The following USP48 variants were observed in gnomAD, a reference collection of about 807,000 sequenced individuals.
The protein encoded by USP48 is ubiquitin carboxyl-terminal hydrolase 48.
Under a neutral mutation model 150.7 loss-of-function variants are expected in USP48, and 43 were observed. That is an observed-to-expected ratio of 0.29 (90% CI 0.22 to 0.37). The LOEUF is 0.37. USP48 is among the 10% of genes least tolerant of loss of function. USP48 has a pLI of 1.00. For missense variants in USP48, 813 were observed against 1,249.6 expected (o/e 0.65, Z 5.27); for synonymous variants, 396 against 425.9 (o/e 0.93, Z 0.86).
At chr1:21,774,275 C>T (rs190196634) in intron 1 of USP48, among the ~76,000 whole-genome samples, 1 of 151,714 alleles carries the variant, frequency 6.6e-6, no homozygotes, top group East Asian at 1.9e-4. Context: ...GCTTCTCTTG[C>T]CACACACAAA....
chr1:21,681,508 C>G (rs909240278), intron 25 of USP48, among the ~76,000 whole-genome samples: 1 of 152,084 alleles, frequency 6.6e-6, no homozygotes, highest in Non-Finnish European at 1.5e-5. Context: ...GTGATCCGCC[C>G]GCCACAGCCT....
In USP48 at chr1:21,757,701, G is replaced by A; in HGVS notation, c.217C>T (p.His73Tyr). 6.2e-7 allele frequency: 1 copy of A among 1,612,762 alleles called. No individual in the cohort carries two copies. The highest frequency in any genetic ancestry group is 2.2e-5 in the East Asian group (1 of 44,814). The change falls in exon 2 of 27, where the codon CAT (histidine) becomes TAT (tyrosine). Residue 73 changes from histidine (H) to tyrosine (Y), a missense_variant. Physicochemically the swap from His to Tyr is moderately conservative, Grantham distance 83. Coordinates refer to ENST00000308271, the MANE Select transcript of USP48 (RefSeq NM_032236.8). ...TCACAGTTGGGATCATCGATGTTATGAAAACTATTTTCATCTATTTCTCCT... is the reference window on the plus strand; with the variant it reads ...TCACAGTTGGGATCATCGATGTTATAAAAACTATTTTCATCTATTTCTCCT... ...WLGEIDENSF[H>Y]NIDDPNCERR...
In USP48 at chr1:21,757,015, A is replaced by G. The variant is rs966695111; in HGVS notation, c.256-313T>C. On this transcript the variant is annotated intron_variant, in intron 2 of 26. Coordinates refer to ENST00000308271, the MANE Select transcript of USP48 (RefSeq NM_032236.8). ...AAAGATCGGTTTTGAACAAGCGTAT[A>G]TAGGTTTTATGTTTTCTGTATTTCT... is the stretch of plus-strand genomic sequence containing the variant. 5.1e-6 allele frequency: 5 copies of G among 984,346 alleles called. No homozygotes were observed. The African/African-American group carries it at 8.7e-5, about 17-fold the overall frequency. The allele number at this position is 984,346 out of a possible 1,614,324, so 61.0% of individuals were successfully genotyped here. A position where few individuals can be genotyped will look rare whatever the true frequency, so the allele number is the denominator to read the frequency against.
At chr1:21,774,582 G>A (rs1307961006) in intron 1 of USP48, among the ~76,000 whole-genome samples, 3 of 152,022 alleles carry the variant, frequency 2.0e-5, no homozygotes, top group Non-Finnish European at 4.4e-5. Context: ...AGCTACTCAG[G>A]AGGCTGAGGC....
chr1:21,706,092 A>T, intron 18 of USP48, 34 bp downstream of exon 18: 2 of 1,601,336 alleles, frequency 1.2e-6, no homozygotes, highest in Non-Finnish European at 1.7e-6. Context: ...CAAATCAGTA[A>T]CAATAAAGGA....
chr1:21,751,746 A>G, intron 5 of USP48, 131 bp from the exon 6 acceptor site: 1 of 704,294 alleles, frequency 1.4e-6, no homozygotes, highest in African/African-American at 1.8e-5. Context: ...GAAATTATGT[A>G]TACTAAAAAT....
At chr1:21,708,274 G>A (rs1433943560) in intron 15 of USP48, among the ~76,000 whole-genome samples, 1 of 152,108 alleles carries the variant, frequency 6.6e-6, no homozygotes, top group Non-Finnish European at 1.5e-5. Context: ...GCTGAGGGGA[G>A]CAGATCACGA....
chr1:21,762,567 G>A (rs1256655134), intron 1 of USP48, among the ~76,000 whole-genome samples: 2 of 152,046 alleles, frequency 1.3e-5, no homozygotes, highest in Non-Finnish European at 2.9e-5. Context: ...ACAAGTGGGT[G>A]GTAAAAATTT....
At chr1:21,715,158 G>A (rs1233077724) in intron 15 of USP48, 4 of 455,280 alleles carry the variant, frequency 8.8e-6, no homozygotes, top group Non-Finnish European at 1.6e-5. Context: ...CTTGGACAAT[G>A]ACAGTCATGG....
chr1:21,721,225 T>A, intron 13 of USP48, 59 bp from the exon 14 acceptor site: 1 of 1,586,764 alleles, frequency 6.3e-7, no homozygotes, highest in East Asian at 2.3e-5. Context: ...CTGTCCTCCC[T>A]TCTTTGCCTG....
chr1:21,725,068 C>G (rs1315909273), intron 11 of USP48: 1 of 152,170 alleles, frequency 6.6e-6, no homozygotes, highest in Non-Finnish European at 1.5e-5. Flanking sequence ...CAGAGAGTTA[C>G]ATGTCTAGAA....
At chr1:21,688,743 C>T (rs192046252) in intron 24 of USP48, among the ~76,000 whole-genome samples, 378 of 149,458 alleles carry the variant, frequency 2.5e-3, no homozygotes, top group Admixed American at 4.6e-3. Flanking sequence ...CTCGGGAGGC[C>T]GCGGCAGGAG....
At chr1:21,687,536 G>A (rs1178487580) in intron 24 of USP48, among the ~76,000 whole-genome samples, 1 of 152,164 alleles carries the variant, frequency 6.6e-6, no homozygotes, top group African/African-American at 2.4e-5. Context: ...TAGACACCCT[G>A]GGGTTACTAA....
intron 22 of USP48, among the ~76,000 whole-genome samples, chr1:21,697,284 G>C (rs958975428): frequency 6.6e-6 from 1 of 150,720 alleles, no homozygotes; most frequent in East Asian, 1.9e-4. Context: ...TAAGATTCAC[G>C]AGAAAAAGTT....
intron 6 of USP48, 89 bp downstream of exon 6, chr1:21,751,418 T>C (rs1031465898): frequency 2.0e-6 from 2 of 976,180 alleles, no homozygotes; most frequent in African/African-American, 3.2e-5. Context: ...CAATAAAAGC[T>C]CTAGCCACTA....
At chr1:21,689,422 G>A (rs868025474) in intron 24 of USP48, among the ~76,000 whole-genome samples, 13 of 130,168 alleles carry the variant, frequency 1.0e-4, no homozygotes, top group Admixed American at 1.5e-4. Context: ...TGGAATGACA[G>A]TCAATCCTCA....
chr1:21,766,196 T>C (rs2097861921), intron 1 of USP48, among the ~76,000 whole-genome samples: 1 of 151,968 alleles, frequency 6.6e-6, no homozygotes. Context: ...GGCAAAACCC[T>C]ACTAAACTTC....
chr1:21,778,554 C>T (rs908673423), intron 1 of USP48, among the ~76,000 whole-genome samples: 5 of 147,184 alleles, frequency 3.4e-5, no homozygotes, highest in African/African-American at 1.3e-4. Flanking sequence ...ATTGATTGAG[C>T]CCAGGAGTTC....
chr1:21,726,528 C>T (rs542464037), intron 11 of USP48: 37 of 152,306 alleles, frequency 2.4e-4, no homozygotes, highest in African/African-American at 8.7e-4. Context: ...CTTTAGTGCG[C>T]TGTGGGCTCC....
Sources: gnomAD v4.1 joint callset for allele counts (sites outside exome capture counted in the v4.1 genomes callset) on GRCh38, gnomAD v4.1.1 for gene constraint, MANE v1.5 for transcripts, NCBI Gene and HGNC (gene_info 2026-07-23, HGNC 2026-07-21) for gene names.